The following MARCHF1 variants were observed in gnomAD, a reference collection of about 807,000 sequenced individuals.
MARCHF1 encodes the protein membrane associated ring-CH-type finger 1, also known as E3 ubiquitin-protein ligase MARCHF1.
Under a neutral mutation model 54.2 loss-of-function variants are expected in MARCHF1, and 40 were observed. That is an observed-to-expected ratio of 0.74 (90% CI 0.57 to 0.96). MARCHF1 has a LOEUF of 0.96. Among genes scored for constraint, MARCHF1 ranks in the 40% least tolerant of loss-of-function variants. The probability of loss-of-function intolerance (pLI) is 0.00; values close to 1 mark genes in which losing one functional copy is unlikely to be tolerated. For missense variants in MARCHF1, 586 were observed against 656.5 expected, an observed-to-expected ratio of 0.89 and a Z score of 1.17; for synonymous variants, 236 against 236.3, an observed-to-expected ratio of 1.00 and a Z score of 0.01.
chr4:163,609,316 G>C (rs946516849), intron 7 of MARCHF1, among the ~76,000 whole-genome samples: 2 of 151,996 alleles, frequency 1.3e-5, no homozygotes, highest in African/African-American at 4.8e-5. Context: ...TTCTGCCTCT[G>C]TTCATTAACA....
At chr4:163,925,094 A>G (rs891143335) in intron 3 of MARCHF1, among the ~76,000 whole-genome samples, 8 of 152,002 alleles carry the variant, frequency 5.3e-5, no homozygotes, top group African/African-American at 1.7e-4. Context: ...AACCACTGAT[A>G]AACTTCTTAT....
At position 164,031,004 on chromosome 4, in the gene MARCHF1, T is replaced by C. The variant is rs148629765; in HGVS notation, c.-247-42295A>G. Among the ~76,000 whole-genome samples the C allele has an allele frequency of 7.0e-3, 1,071 of 152,266 alleles. 10 individuals are homozygous for C. The highest frequency in any genetic ancestry group is 0.023 in the East Asian group (121 of 5,166). On this transcript the variant is annotated intron_variant, in intron 2 of 9. Coordinates refer to ENST00000514618, the MANE Select transcript of MARCHF1 (RefSeq NM_001394959.1). ...ATGGGGTTTTCTAAATATACGATCATGTCATCTGCAAACAGAGACAATTTG... is the reference window on the plus strand; with the variant it reads ...ATGGGGTTTTCTAAATATACGATCACGTCATCTGCAAACAGAGACAATTTG...
chr4:163,858,452 T>G (rs1749830210), intron 3 of MARCHF1, among the ~76,000 whole-genome samples: 1 of 152,138 alleles, frequency 6.6e-6, no homozygotes, highest in Non-Finnish European at 1.5e-5. Flanking sequence ...CTTTACCACA[T>G]GCATAGAACT....
At chr4:163,658,026 CCAAAAGCAATTGCGACAAAAG>C in intron 5 of MARCHF1, among the ~76,000 whole-genome samples, 1 of 152,108 alleles carries the variant, frequency 6.6e-6, no homozygotes, top group African/African-American at 2.4e-5. Context: ...ACAAAAATCA[CCAAAAGCAATTGCGACAAAAG>C]CTAAAATTGA....
chr4:164,327,814 G>A (rs921680615), intron 1 of MARCHF1, among the ~76,000 whole-genome samples: 3 of 152,170 alleles, frequency 2.0e-5, no homozygotes, highest in South Asian at 2.1e-4. Flanking sequence ...TTTCCAGCTC[G>A]TGTAGTTTCC....
intron 4 of MARCHF1, among the ~76,000 whole-genome samples, chr4:163,751,442 T>G (rs1312016082): frequency 1.4e-5 from 2 of 144,690 alleles, no homozygotes; most frequent in Non-Finnish European, 2.9e-5. Flanking sequence ...CAAACCACCA[T>G]TTTTTTTAAT....
chr4:163,961,928 G>T (rs879841541), intron 3 of MARCHF1, among the ~76,000 whole-genome samples: 1 of 151,818 alleles, frequency 6.6e-6, no homozygotes, highest in Non-Finnish European at 1.5e-5. Context: ...TTTTTCATTT[G>T]TTTAATTTAC....
intron 8 of MARCHF1, among the ~76,000 whole-genome samples, chr4:163,579,860 A>T (rs1740163539): frequency 6.6e-6 from 1 of 152,158 alleles, no homozygotes; most frequent in Non-Finnish European, 1.5e-5. Context: ...TAGCCTGAAG[A>T]CATCAAAACT....
chr4:163,660,223 A>AT (rs1185409379), intron 5 of MARCHF1, among the ~76,000 whole-genome samples: 28 of 152,274 alleles, frequency 1.8e-4, no homozygotes, highest in African/African-American at 6.5e-4. Context: ...CTATGCAGCC[A>AT]TAAAAAATAA....
At chr4:163,629,653 T>G (rs4321586) in intron 5 of MARCHF1, among the ~76,000 whole-genome samples, 1 of 152,096 alleles carries the variant, frequency 6.6e-6, no homozygotes, top group Non-Finnish European at 1.5e-5. Flanking sequence ...TTTTGCAATC[T>G]ATCCATCTGA....
intron 5 of MARCHF1, among the ~76,000 whole-genome samples, chr4:163,686,495 T>C (rs1362526708): frequency 2.8e-5 from 4 of 141,190 alleles, no homozygotes; most frequent in East Asian, 5.0e-4. Flanking sequence ...ATGGCAAAAC[T>C]CACAATTACT....
intron 3 of MARCHF1, among the ~76,000 whole-genome samples, chr4:163,953,326 T>C (rs1752169883): frequency 6.6e-6 from 1 of 152,202 alleles, no homozygotes; most frequent in South Asian, 2.1e-4. Context: ...ACTTTCTTGC[T>C]GTATGACTTT....
chr4:164,004,133 C>T (rs374974206), intron 2 of MARCHF1, among the ~76,000 whole-genome samples: 1 of 151,602 alleles, frequency 6.6e-6, no homozygotes, highest in Non-Finnish European at 1.5e-5. Flanking sequence ...TGGGGCCTGT[C>T]GAGGATTGTG....
At chr4:164,227,718 A>G (rs1732299054) in intron 1 of MARCHF1, among the ~76,000 whole-genome samples, 1 of 152,108 alleles carries the variant, frequency 6.6e-6, no homozygotes, top group Non-Finnish European at 1.5e-5. Context: ...CAATGTTGTT[A>G]ATTTAAAAAA....
At chr4:164,313,725 C>T (rs2111438050) in intron 1 of MARCHF1, among the ~76,000 whole-genome samples, 1 of 152,232 alleles carries the variant, frequency 6.6e-6, no homozygotes, top group Non-Finnish European at 1.5e-5. Context: ...CAAAATACCC[C>T]TCTCCCTAGA....
intron 4 of MARCHF1, among the ~76,000 whole-genome samples, chr4:163,829,818 G>C (rs934488855): frequency 2.6e-5 from 4 of 152,188 alleles, no homozygotes; most frequent in Admixed American, 2.6e-4. Context: ...AAATTAATTA[G>C]GCAAACAATT....
chr4:163,892,476 A>C (rs1750681551), intron 3 of MARCHF1, among the ~76,000 whole-genome samples: 1 of 152,026 alleles, frequency 6.6e-6, no homozygotes, highest in African/African-American at 2.4e-5. Context: ...AGTTAGAGAG[A>C]GACAACCTTC....
chr4:163,825,293 A>T (rs1159122539), intron 4 of MARCHF1, among the ~76,000 whole-genome samples: 1 of 151,996 alleles, frequency 6.6e-6, no homozygotes, highest in Non-Finnish European at 1.5e-5. Flanking sequence ...TAATGGCTGC[A>T]TAGTATTCCA....
chr4:163,620,954 T>C (rs1741674331), intron 5 of MARCHF1, among the ~76,000 whole-genome samples: 1 of 152,208 alleles, frequency 6.6e-6, no homozygotes. Flanking sequence ...ACTACTAACA[T>C]CAAGAATCAA....
Sources: gnomAD v4.1 joint callset for allele counts (sites outside exome capture counted in the v4.1 genomes callset) on GRCh38, gnomAD v4.1.1 for gene constraint, MANE v1.5 for transcripts, NCBI Gene and HGNC (gene_info 2026-07-23, HGNC 2026-07-21) for gene names.